EPHA3: variants seen among roughly 807,000 people sequenced by gnomAD.
EPHA3 encodes ephrin type-A receptor 3.
In EPHA3, 42 loss-of-function variants were observed where a neutral mutation model predicts 107.1. The ratio of observed to expected loss-of-function variants is 0.39; its 90% CI spans 0.31 to 0.51. The LOEUF is 0.51. Ranked by LOEUF, EPHA3 falls within the 20% of genes least tolerant of loss-of-function variation. The pLI is 0.78. For missense variants in EPHA3, 1,183 were observed against 1,211.2 expected (o/e 0.98, Z 0.35); for synonymous variants, 461 against 424.8 (o/e 1.09, Z -1.05).
chr3:89,403,739 T>C (rs1345117465), intron 7 of EPHA3, among the ~76,000 whole-genome samples: 1 of 152,200 alleles, frequency 6.6e-6, no homozygotes, highest in Non-Finnish European at 1.5e-5. Flanking sequence ...TTAGAGCAGC[T>C]GAGCATTATT....
intron 16 of EPHA3, among the ~76,000 whole-genome samples, chr3:89,475,094 G>C (rs1274682333): frequency 6.6e-6 from 1 of 152,052 alleles, no homozygotes; most frequent in Non-Finnish European, 1.5e-5. Context: ...TTTTCCTTGA[G>C]TCTTCATAGT....
At chr3:89,336,832 G>A (rs1375393192) in intron 3 of EPHA3, among the ~76,000 whole-genome samples, 1 of 152,046 alleles carries the variant, frequency 6.6e-6, no homozygotes, top group African/African-American at 2.4e-5. Flanking sequence ...AAGCTGAAGG[G>A]GGAGAAACTC....
chr3:89,320,117 G>C (rs966285529), intron 3 of EPHA3, among the ~76,000 whole-genome samples: 4 of 151,904 alleles, frequency 2.6e-5, no homozygotes, highest in African/African-American at 9.7e-5. Flanking sequence ...TTTAGTCATT[G>C]CTAGTCAAAA....
chr3:89,110,633 C>A (rs1045134733), intron 1 of EPHA3, among the ~76,000 whole-genome samples: 5 of 151,882 alleles, frequency 3.3e-5, no homozygotes, highest in African/African-American at 1.2e-4. Context: ...CTTATCAGGT[C>A]TCTCTGTTTA....
At chr3:89,359,446 T>G (rs2107455491) in intron 5 of EPHA3, among the ~76,000 whole-genome samples, 1 of 150,782 alleles carries the variant, frequency 6.6e-6, no homozygotes, top group Non-Finnish European at 1.5e-5. Context: ...TTAATCTACA[T>G]GCACACTTTG....
rs369114180 is a variant in EPHA3, at chr3:89,252,318, A to G, written c.814+41798A>G. Among the ~76,000 whole-genome samples the G allele has an allele frequency of 3.3e-5, 5 of 152,206 alleles. No individual in the cohort carries two copies. The East Asian group carries it at 5.8e-4, about 18-fold the overall frequency. On this transcript the variant is annotated intron_variant, in intron 3 of 16. Transcript: ENST00000336596. ...ATGCTGGACTAAATTCCAGAATCAG[A>G]GAGAATATTTTATATTTTTTGGCTA...
chr3:89,447,955 C>T (rs749020677), intron 13 of EPHA3, among the ~76,000 whole-genome samples: 2 of 152,132 alleles, frequency 1.3e-5, no homozygotes, highest in African/African-American at 2.4e-5. Flanking sequence ...CACATTTTGA[C>T]GAACACGGCT....
rs569114824 is a variant in EPHA3, at chr3:89,173,876, G to C, written c.154-35984G>C. The stretch of plus-strand genomic sequence containing the variant: ...AATGATCCCTTCAACATTGGCTATT[G>C]TCTCTAAAACATGTTCTATAAAAAA... On this transcript the variant is annotated intron_variant, in intron 2 of 16. Coordinates refer to ENST00000336596, the MANE Select transcript of EPHA3 (RefSeq NM_005233.6). Among the ~76,000 whole-genome samples the C allele has an allele frequency of 8.0e-3, 1,211 of 152,018 alleles. 8 individuals are homozygous for C. Among genetic ancestry groups the C allele is most frequent in the Non-Finnish European group, 0.011 (764 of 67,854 alleles).
At position 89,342,037 on chromosome 3, in the gene EPHA3, T is replaced by G. The variant is rs776790513; in HGVS notation, c.1253T>G (p.Leu418Arg). Residue 418 changes from leucine (L) to arginine (R), a missense_variant, in exon 5 of 17, where the codon CTG (leucine) becomes CGG (arginine). Coordinates refer to ENST00000336596, the MANE Select transcript of EPHA3 (RefSeq NM_005233.6). ...GATGCCGTTAATGGGGTGTCAGAGC[T>G]GAGCTCCCCACCAAGACAGTTTGCT... ...EIDAVNGVSE[L>R]SSPPRQFAAV... The G allele has an allele frequency of 6.2e-7, 1 of 1,611,984 alleles. No homozygotes were observed. The highest frequency in any genetic ancestry group is 1.1e-5 in the South Asian group (1 of 90,836).
At chr3:89,227,835 C>G (rs1219348130) in intron 3 of EPHA3, among the ~76,000 whole-genome samples, 1 of 151,936 alleles carries the variant, frequency 6.6e-6, no homozygotes, top group Non-Finnish European at 1.5e-5. Context: ...GAATGACTCA[C>G]TCTTATATTA....
intron 11 of EPHA3, 129 bp from the exon 12 acceptor site, chr3:89,428,977 T>A (rs1339089125): frequency 7.4e-6 from 4 of 540,786 alleles, no homozygotes; most frequent in Non-Finnish European, 1.1e-5. Flanking sequence ...TTAAAATTTT[T>A]AAAAATTAGA....
intron 3 of EPHA3, among the ~76,000 whole-genome samples, chr3:89,267,796 G>A (rs1213192494): frequency 1.3e-5 from 2 of 151,996 alleles, no homozygotes; most frequent in African/African-American, 4.8e-5. Flanking sequence ...AATAAATGAA[G>A]GCCAAACTGA....
chr3:89,123,535 T>TCAAATCAACA (rs1559741443), intron 1 of EPHA3, among the ~76,000 whole-genome samples: 1 of 152,206 alleles, frequency 6.6e-6, no homozygotes, highest in East Asian at 1.9e-4. Flanking sequence ...AGTAACTTAG[T>TCAAATCAACA]GCCCATCTGA....
chr3:89,410,544 C>T (rs1709139653), intron 9 of EPHA3, among the ~76,000 whole-genome samples: 2 of 151,810 alleles, frequency 1.3e-5, no homozygotes, highest in African/African-American at 2.4e-5. Flanking sequence ...TCCATTTTAC[C>T]TTATGCTTAA....
chr3:89,223,077 C>T lies in EPHA3; in HGVS notation c.814+12557C>T, dbSNP rs186004891. ...AACATAATACAACTCTTTAAAAACACTGATAGTCAAGAACAGAAGTAATTA... is the reference window on the plus strand; with the variant it reads ...AACATAATACAACTCTTTAAAAACATTGATAGTCAAGAACAGAAGTAATTA... On this transcript the variant is annotated intron_variant, in intron 3 of 16. Coordinates refer to ENST00000336596, the MANE Select transcript of EPHA3 (RefSeq NM_005233.6). Among the ~76,000 whole-genome samples the T allele has an allele frequency of 2.1e-3, 320 of 152,272 alleles. 1 individual carries two copies. Among genetic ancestry groups the T allele is most frequent in the Non-Finnish European group, 3.8e-3 (259 of 68,020 alleles).
At chr3:89,120,242 G>C (rs1342817713) in intron 1 of EPHA3, among the ~76,000 whole-genome samples, 1 of 152,028 alleles carries the variant, frequency 6.6e-6, no homozygotes, top group East Asian at 1.9e-4. Flanking sequence ...TATTACTTCT[G>C]GAACACTTTA....
At chr3:89,300,538 A>G (rs1242470103) in intron 3 of EPHA3, among the ~76,000 whole-genome samples, 1 of 151,988 alleles carries the variant, frequency 6.6e-6, no homozygotes, top group Admixed American at 6.6e-5. Context: ...AGTACATGCT[A>G]TGTTACAGAC....
At chr3:89,179,420 G>A (rs1388220600) in intron 2 of EPHA3, among the ~76,000 whole-genome samples, 1 of 151,850 alleles carries the variant, frequency 6.6e-6, no homozygotes, top group Non-Finnish European at 1.5e-5. Context: ...TCATATAATA[G>A]GATACTTACT....
At chr3:89,199,713 A>G (rs1705926281) in intron 2 of EPHA3, among the ~76,000 whole-genome samples, 1 of 152,140 alleles carries the variant, frequency 6.6e-6, no homozygotes, top group African/African-American at 2.4e-5. Context: ...TTACTGACAC[A>G]TAGTTTCTAG....
Sources: allele counts gnomAD v4.1 joint callset (sites outside exome capture counted in the v4.1 genomes callset), GRCh38; gene constraint gnomAD v4.1.1; transcripts MANE v1.5; gene names NCBI Gene and HGNC (gene_info 2026-07-23, HGNC 2026-07-21).